Variants in SPIDR observed in about 807,000 individuals in gnomAD.
SPIDR encodes scaffold protein involved in DNA repair, also known as DNA repair-scaffolding protein.
Under a neutral mutation model 104.6 loss-of-function variants are expected in SPIDR, and 93 were observed. The observed-to-expected ratio is 0.89, with a 90% CI of 0.75 to 1.06. SPIDR has a LOEUF of 1.06. SPIDR is among the 50% of genes least tolerant of loss of function. The pLI is 0.00. For missense variants in SPIDR, 1,154 were observed against 1,111.2 expected, an observed-to-expected ratio of 1.04 and a Z score of -0.55; for synonymous variants, 431 against 416.9, an observed-to-expected ratio of 1.03 and a Z score of -0.41.
At chr8:47,558,444 A>G (rs939797415) in intron 8 of SPIDR, among the ~76,000 whole-genome samples, 1 of 152,176 alleles carries the variant, frequency 6.6e-6, no homozygotes, top group Non-Finnish European at 1.5e-5. Flanking sequence ...TTTATATCAT[A>G]TAAATATAAA....
chr8:47,626,782 T>C (rs1478610288), intron 10 of SPIDR, among the ~76,000 whole-genome samples: 1 of 152,212 alleles, frequency 6.6e-6, no homozygotes, highest in Non-Finnish European at 1.5e-5. Context: ...ACTTTTACAC[T>C]GTTGGTGGGA....
chr8:47,306,373 TC>T (rs2043098348), intron 5 of SPIDR, among the ~76,000 whole-genome samples: 1 of 152,170 alleles, frequency 6.6e-6, no homozygotes. Context: ...ACTCTTGACC[TC>T]AAGTGATCCG....
At chr8:47,712,534 G>A (rs2082028254) in intron 14 of SPIDR, 128 bp from the exon 15 acceptor site, 1 of 1,093,722 alleles carries the variant, frequency 9.1e-7, no homozygotes, top group Non-Finnish European at 1.3e-6. Flanking sequence ...GCAAAGTCTA[G>A]TGTATGTTTT....
At chr8:47,724,261 A>G (rs1309473959) in intron 16 of SPIDR, among the ~76,000 whole-genome samples, 6 of 152,208 alleles carry the variant, frequency 3.9e-5, no homozygotes, top group African/African-American at 1.4e-4. Context: ...CCAGTCAACT[A>G]GGCATTAAGA....
intron 8 of SPIDR, chr8:47,547,253 C>T (rs967906317): frequency 1.6e-6 from 1 of 611,090 alleles, no homozygotes; most frequent in African/African-American, 1.9e-5. Context: ...TCAGGTGTAA[C>T]ACGATGTACA....
At chr8:47,336,600 G>C (rs1229969680) in intron 5 of SPIDR, among the ~76,000 whole-genome samples, 1 of 152,168 alleles carries the variant, frequency 6.6e-6, no homozygotes, top group Non-Finnish European at 1.5e-5. Flanking sequence ...GTGAATTTCA[G>C]TTCTTTGATA....
At chr8:47,733,605 C>T (rs1408861291) in intron 19 of SPIDR, among the ~76,000 whole-genome samples, 1 of 151,786 alleles carries the variant, frequency 6.6e-6, no homozygotes, top group Non-Finnish European at 1.5e-5. Context: ...ATGCCGCCTC[C>T]ACCCTCCCTC....
chr8:47,423,296 C>CA (rs34511552), intron 7 of SPIDR, among the ~76,000 whole-genome samples: 3,844 of 129,088 alleles, frequency 0.03, 163 homozygotes, highest in African/African-American at 0.11. Flanking sequence ...GACTCTGTCT[C>CA]AAAAAAAAAA....
At chr8:47,511,449 G>A in intron 8 of SPIDR, 1 of 786,090 alleles carries the variant, frequency 1.3e-6, no homozygotes, top group Non-Finnish European at 2.3e-6. Flanking sequence ...CCATATCCAA[G>A]TTCGCCTGTC....
chr8:47,383,452 G>A (rs1406600112), intron 5 of SPIDR, among the ~76,000 whole-genome samples: 1 of 152,196 alleles, frequency 6.6e-6, no homozygotes, highest in Non-Finnish European at 1.5e-5. Context: ...GCACTTGCCA[G>A]TGTGCTGAAT....
chr8:47,607,825 C>T (rs1173154901), intron 10 of SPIDR, among the ~76,000 whole-genome samples: 2 of 151,890 alleles, frequency 1.3e-5, no homozygotes, highest in African/African-American at 4.8e-5. Context: ...TATCAGAACC[C>T]ATGGAATTAC....
At chr8:47,684,294 G>A (rs917502757) in intron 11 of SPIDR, among the ~76,000 whole-genome samples, 1 of 151,938 alleles carries the variant, frequency 6.6e-6, no homozygotes, top group Non-Finnish European at 1.5e-5. Context: ...CATAACCAAG[G>A]AACACAGTAT....
intron 7 of SPIDR, among the ~76,000 whole-genome samples, chr8:47,428,143 C>T (rs1416219034): frequency 6.6e-6 from 1 of 152,172 alleles, no homozygotes; most frequent in African/African-American, 2.4e-5. Flanking sequence ...AGGCTGGTCT[C>T]GAACTTCTGA....
chr8:47,324,760 T>C (rs2154264583), intron 5 of SPIDR, among the ~76,000 whole-genome samples: 1 of 152,200 alleles, frequency 6.6e-6, no homozygotes, highest in East Asian at 1.9e-4. Context: ...TTAGAATATC[T>C]GAGAAAGTGG....
chr8:47,554,312 G>T (rs1242472188), intron 8 of SPIDR, among the ~76,000 whole-genome samples: 1 of 152,160 alleles, frequency 6.6e-6, no homozygotes, highest in South Asian at 2.1e-4. Context: ...GCAGAAATTG[G>T]CTGCTGCCTT....
rs35904543 is a variant in SPIDR, at chr8:47,680,846, AC to A, written c.1685+6907del. On this transcript the variant is annotated intron_variant, in intron 11 of 19. Coordinates refer to ENST00000297423, the MANE Select transcript of SPIDR (RefSeq NM_001080394.4). The stretch of plus-strand genomic sequence containing the variant: ...TGCTGGGCTGGGCTCAATGGCTCAC[AC>A]CTGTAATCCCAGCACTTTGGGAGGC... 1.5e-3 allele frequency among the ~76,000 whole-genome samples: 223 copies of A among 152,332 alleles called. 1 individual carries two copies. The highest frequency in any genetic ancestry group is 2.4e-3 in the Non-Finnish European group (162 of 68,028).
chr8:47,325,441 A>G (rs1163778446), intron 5 of SPIDR, among the ~76,000 whole-genome samples: 1 of 148,160 alleles, frequency 6.7e-6, no homozygotes, highest in East Asian at 2.0e-4. Context: ...GGAGCCCACA[A>G]GAGAAATTTG....
At chr8:47,390,666 A>AT (rs1215103888) in intron 5 of SPIDR, among the ~76,000 whole-genome samples, 16 of 150,446 alleles carry the variant, frequency 1.1e-4, no homozygotes, top group Admixed American at 7.3e-4. Flanking sequence ...TCTACTTGTT[A>AT]TTTTTTTTTC....
At chr8:47,472,216 C>T (rs1388778889) in intron 8 of SPIDR, among the ~76,000 whole-genome samples, 4 of 152,230 alleles carry the variant, frequency 2.6e-5, no homozygotes, top group African/African-American at 9.6e-5. Flanking sequence ...TTGCAGACGT[C>T]CCTGTGCTAG....
Sources: gnomAD v4.1 joint callset for allele counts (sites outside exome capture counted in the v4.1 genomes callset) on GRCh38, gnomAD v4.1.1 for gene constraint, MANE v1.5 for transcripts, NCBI Gene and HGNC (gene_info 2026-07-23, HGNC 2026-07-21) for gene names.